ESRRB: variants seen among roughly 807,000 people sequenced by gnomAD.
ESRRB encodes steroid hormone receptor ERR2.
In ESRRB, 16 loss-of-function variants were observed where a neutral mutation model predicts 46.0. That is an observed-to-expected ratio of 0.35 (90% CI 0.24 to 0.53). ESRRB has a LOEUF of 0.53. ESRRB is among the 20% of genes least tolerant of loss of function. The probability of loss-of-function intolerance (pLI) is 0.93; values close to 1 mark genes in which losing one functional copy is unlikely to be tolerated. For synonymous variants in ESRRB, 246 were observed against 259.6 expected, an observed-to-expected ratio of 0.95 and a Z score of 0.50; for missense variants, 488 against 607.4, an observed-to-expected ratio of 0.80 and a Z score of 2.07.
chr14:76,433,038 A>G (rs557974044), intron 1 of ESRRB, among the ~76,000 whole-genome samples: 2 of 152,044 alleles, frequency 1.3e-5, no homozygotes, highest in African/African-American at 4.8e-5. Context: ...GTAGGACCCC[A>G]CCCTTAAGAA....
intron 1 of ESRRB, among the ~76,000 whole-genome samples, chr14:76,324,667 G>A (rs1251103144): frequency 1.3e-5 from 2 of 152,178 alleles, no homozygotes. Context: ...TGGAGCTTGG[G>A]TTACATCTCT....
upstream of ESRRB, among the ~76,000 whole-genome samples, chr14:76,372,431 C>G (rs1884646898): frequency 6.6e-6 from 1 of 152,136 alleles, no homozygotes; most frequent in South Asian, 2.1e-4. Context: ...GCCTGTGTCC[C>G]CTCTGTCCAC....
intron 1 of ESRRB, among the ~76,000 whole-genome samples, chr14:76,336,566 G>A (rs1316221996): frequency 6.6e-6 from 1 of 152,164 alleles, no homozygotes; most frequent in African/African-American, 2.4e-5. Context: ...TCATGGCTGG[G>A]ACCTCCTGCT....
At chr14:76,450,370 G>A (rs1485561207) in intron 2 of ESRRB, among the ~76,000 whole-genome samples, 1 of 152,080 alleles carries the variant, frequency 6.6e-6, no homozygotes, top group Admixed American at 6.6e-5. Flanking sequence ...ATGGTGAGGG[G>A]TGCACTTGGA....
At chr14:76,362,632 G>A in intron 1 of ESRRB, among the ~76,000 whole-genome samples, 1 of 152,194 alleles carries the variant, frequency 6.6e-6, no homozygotes, top group Non-Finnish European at 1.5e-5. Context: ...GCATGGGTCT[G>A]ATTTGTAGTC....
At chr14:76,452,140 C>T (rs1467798263) in intron 2 of ESRRB, among the ~76,000 whole-genome samples, 1 of 151,896 alleles carries the variant, frequency 6.6e-6, no homozygotes, top group African/African-American at 2.4e-5. Context: ...GGGGGTTTCA[C>T]TCTGTTGGCC....
intron 3 of ESRRB, 151 bp downstream of exon 3, chr14:76,462,812 C>A: frequency 1.4e-6 from 1 of 739,574 alleles, no homozygotes; most frequent in Non-Finnish European, 2.5e-6. Context: ...GCCAGCCTGC[C>A]ACGGCGCCCG....
At chr14:76,476,375 A>C (rs1889585886) in intron 3 of ESRRB, among the ~76,000 whole-genome samples, 1 of 152,256 alleles carries the variant, frequency 6.6e-6, no homozygotes, top group Non-Finnish European at 1.5e-5. Flanking sequence ...AATTATCAAT[A>C]AGATGATAAA....
At chr14:76,372,441 C>A (rs528531087), upstream of ESRRB, among the ~76,000 whole-genome samples, 1 of 152,202 alleles carries the variant, frequency 6.6e-6, no homozygotes, top group African/African-American at 2.4e-5. Flanking sequence ...CCTCTGTCCA[C>A]CAGGTAAAGA....
chr14:76,378,407 CT>C (rs1232709575), intron 1 of ESRRB, among the ~76,000 whole-genome samples: 34 of 152,124 alleles, frequency 2.2e-4, no homozygotes, highest in Non-Finnish European at 1.5e-4. Flanking sequence ...AGTCAGGGAG[CT>C]GAGGTCCTGG....
chr14:76,479,299 G>C (rs993090260), intron 3 of ESRRB, among the ~76,000 whole-genome samples: 2 of 152,132 alleles, frequency 1.3e-5, no homozygotes, highest in African/African-American at 4.8e-5. Flanking sequence ...TTGGCCACCA[G>C]AGTCTGCTCA....
At chr14:76,322,261 T>C (rs1883876189) in intron 1 of ESRRB, among the ~76,000 whole-genome samples, 1 of 152,220 alleles carries the variant, frequency 6.6e-6, no homozygotes, top group Admixed American at 6.5e-5. Flanking sequence ...CCTCTGTTAA[T>C]CAGTCTTAGC....
chr14:76,319,274 C>T (rs1170522788), intron 1 of ESRRB, among the ~76,000 whole-genome samples: 1 of 152,174 alleles, frequency 6.6e-6, no homozygotes, highest in African/African-American at 2.4e-5. Flanking sequence ...TTTGATGGTG[C>T]ATCTTTGGGG....
chr14:76,414,320 C>T lies in ESRRB; in HGVS notation c.51-25021C>T, dbSNP rs193110243. Among the ~76,000 whole-genome samples, 178 of 148,928 alleles carry T rather than the reference C, an allele frequency of 1.2e-3. 1 individual carries two copies. The highest frequency in any genetic ancestry group is 4.2e-3 in the African/African-American group (170 of 40,122). ...GACCTTAACCAAATTATTTTGCTCC[C>T]GAGTTTCTTCATCTATAAAACAAGA... On this transcript the variant is annotated intron_variant, in intron 1 of 6. Transcript: ENST00000644823.
chr14:76,336,317 G>T (rs868137540), intron 1 of ESRRB, among the ~76,000 whole-genome samples: 29 of 152,330 alleles, frequency 1.9e-4, no homozygotes, highest in African/African-American at 7.0e-4. Context: ...CTGGCCCAAG[G>T]GCTCAAGACC....
intron 1 of ESRRB, among the ~76,000 whole-genome samples, chr14:76,423,518 T>C (rs117621800): frequency 0.01 from 1,575 of 152,274 alleles, 16 homozygotes; most frequent in Non-Finnish European, 0.015. Flanking sequence ...TAAGAACTTT[T>C]GTGGGCTCCA....
upstream of ESRRB, among the ~76,000 whole-genome samples, chr14:76,368,096 G>T (rs1442102899): frequency 1.3e-5 from 2 of 150,466 alleles, no homozygotes; most frequent in Middle Eastern, 6.4e-3. Context: ...GGGACTGCAG[G>T]TGCGTGACAC....
chr14:76,342,939 A>G (rs1335314600), intron 1 of ESRRB, among the ~76,000 whole-genome samples: 1 of 152,194 alleles, frequency 6.6e-6, no homozygotes, highest in Non-Finnish European at 1.5e-5. Context: ...TAAGCAAAGA[A>G]TGAGATCATT....
At chr14:76,331,041 A>G (rs1382514470) in intron 1 of ESRRB, among the ~76,000 whole-genome samples, 1 of 152,070 alleles carries the variant, frequency 6.6e-6, no homozygotes, top group Non-Finnish European at 1.5e-5. Flanking sequence ...GTCCTTGCTC[A>G]CACTGGAACT....
Sources: allele counts gnomAD v4.1 joint callset (sites outside exome capture counted in the v4.1 genomes callset), GRCh38; gene constraint gnomAD v4.1.1; transcripts MANE v1.5; gene names NCBI Gene and HGNC (gene_info 2026-07-23, HGNC 2026-07-21).